Variants in BRSK2 observed in about 807,000 individuals in gnomAD.
BRSK2 encodes the protein BR serine/threonine kinase 2.
Under a neutral mutation model 83.3 loss-of-function variants are expected in BRSK2, and 19 were observed. The observed-to-expected ratio is 0.23, with a 90% CI of 0.16 to 0.33. The LOEUF is 0.33. Ranked by LOEUF, BRSK2 falls within the 10% of genes least tolerant of loss-of-function variation. The pLI is 1.00. For missense variants in BRSK2, 798 were observed against 1,042.3 expected (o/e 0.77, Z 3.23); for synonymous variants, 519 against 435.4 (o/e 1.19, Z -2.39).
chr11:1,401,324 C>T (rs531584138), intron 1 of BRSK2, among the ~76,000 whole-genome samples: 8 of 152,356 alleles, frequency 5.3e-5, no homozygotes, highest in Admixed American at 2.6e-4. Context: ...GTCTGTGAGT[C>T]GGGGCTCACG....
At chr11:1,409,305 C>T (rs964759543) in intron 1 of BRSK2, 2 of 152,264 alleles carry the variant, frequency 1.3e-5, no homozygotes, top group African/African-American at 4.8e-5. Context: ...TGTGCTCAGT[C>T]GTGCTGCTTG....
chr11:1,413,094 G>C (rs1847721691), intron 1 of BRSK2, among the ~76,000 whole-genome samples: 1 of 152,100 alleles, frequency 6.6e-6, no homozygotes, highest in Admixed American at 6.5e-5. Flanking sequence ...GCTGGGCAGG[G>C]ACTGGGGTGG....
At chr11:1,401,175 G>A (rs975939822) in intron 1 of BRSK2, among the ~76,000 whole-genome samples, 4 of 152,220 alleles carry the variant, frequency 2.6e-5, no homozygotes, top group African/African-American at 9.6e-5. Context: ...CAGGCCTCTA[G>A]GCTCCCGTCT....
At chr11:1,446,069 T>TAAGC (rs1564858939) in intron 12 of BRSK2, among the ~76,000 whole-genome samples, 162 bp downstream of exon 12, 1 of 141,420 alleles carries the variant, frequency 7.1e-6, no homozygotes, top group African/African-American at 2.7e-5. Context: ...TGGGCTGGGC[T>TAAGC]TGGCTGGGCT....
rs536213499 is a variant in BRSK2 at position 1,454,440 on chromosome 11, G to C, written c.1545-45G>C. ...ATTCGAGGGAGGCAGGGGTGTGGAC[G>C]GTGCCACACCTCAATCCTCACAGCC... is the stretch of plus-strand genomic sequence containing the variant. On this transcript the variant is annotated intron_variant, in intron 15 of 19. Transcript: ENST00000528841. This position sits in a 1 kb window ranked among gnomAD's most constrained non-coding sequence, Gnocchi z 5.2. 1.9e-6 allele frequency: 3 copies of C among 1,607,426 alleles called. No homozygotes were observed. Among genetic ancestry groups the C allele is most frequent in the South Asian group, 2.2e-5 (2 of 90,726 alleles).
intron 1 of BRSK2, among the ~76,000 whole-genome samples, chr11:1,433,265 C>A (rs1849830508): frequency 6.6e-6 from 1 of 152,250 alleles, no homozygotes; most frequent in African/African-American, 2.4e-5. Context: ...CGCCACCTAC[C>A]CTGGGAATGC....
Position 1,440,848 on chromosome 11 carries a change from G to A in BRSK2, c.333G>A (p.Gly111=). The change falls in exon 4 of 20, where the codon GGG becomes GGA. Residue 111 remains glycine (G), a synonymous_variant. Coordinates refer to ENST00000528841, the MANE Select transcript of BRSK2 (RefSeq NM_001256627.2). ...TCTTCGACTACCTGGTGAAGAAGGGGAGGCTGACGCCTAAGGAGGCTCGGA... is the reference window on the plus strand; with the variant it reads ...TCTTCGACTACCTGGTGAAGAAGGGAAGGCTGACGCCTAAGGAGGCTCGGA... ...GELFDYLVKK[G]RLTPKEARKF... is the part of the protein sequence containing the mutation. The A allele has an allele frequency of 6.2e-7, 1 of 1,604,682 alleles. No individual in the cohort carries two copies. Among genetic ancestry groups the A allele is most frequent in the Non-Finnish European group, 8.5e-7 (1 of 1,175,638 alleles).
intron 1 of BRSK2, among the ~76,000 whole-genome samples, chr11:1,425,857 G>A (rs775009763): frequency 2.0e-5 from 3 of 152,188 alleles, no homozygotes; most frequent in Admixed American, 1.3e-4. Context: ...AAGAGGTGTG[G>A]GGCAGGGGAG....
chr11:1,457,141 A>G, intron 18 of BRSK2: 2 of 1,179,590 alleles, frequency 1.7e-6, no homozygotes, highest in African/African-American at 3.1e-5. Flanking sequence ...CTCCATGCCC[A>G]CCCACAGGTC....
intron 1 of BRSK2, among the ~76,000 whole-genome samples, chr11:1,419,912 C>A (rs943808748): frequency 9.2e-5 from 14 of 152,082 alleles, no homozygotes; most frequent in African/African-American, 3.4e-4. Flanking sequence ...GATTCCATCT[C>A]GAAAAAAACA....
chr11:1,423,780 G>A lies in BRSK2; in HGVS notation c.92-12260G>A, dbSNP rs866306974. Among the ~76,000 whole-genome samples, 2,246 of 134,460 alleles carry A rather than the reference G, an allele frequency of 0.017. 39 individuals carry two copies. Among genetic ancestry groups the A allele is most frequent in the African/African-American group, 0.044 (1,673 of 37,730 alleles). The allele number at this position is 134,460 out of a possible 152,430, so 88.2% of individuals were successfully genotyped here. On this transcript the variant is annotated intron_variant, in intron 1 of 19. Transcript: ENST00000528841. The surrounding 1 kb of genome is among the most constrained non-coding windows in gnomAD (Gnocchi z 6.5). Reference sequence around the variant, plus strand: ...GTGCCCCAGGCCTCCCCCGCTGGGCGTTCCGGGTGCCCCAGGCCTCCCCCG... The same window carrying A: ...GTGCCCCAGGCCTCCCCCGCTGGGCATTCCGGGTGCCCCAGGCCTCCCCCG...
chr11:1,401,675 G>A (rs1483988234), intron 1 of BRSK2, among the ~76,000 whole-genome samples: 1 of 152,236 alleles, frequency 6.6e-6, no homozygotes, highest in South Asian at 2.1e-4. Flanking sequence ...GCTCTGCTGC[G>A]TCGTGCCAGA....
chr11:1,450,179 G>A (rs1335978524), intron 13 of BRSK2, among the ~76,000 whole-genome samples: 2 of 151,388 alleles, frequency 1.3e-5, no homozygotes, highest in Non-Finnish European at 2.9e-5. Context: ...CATGTGCCGC[G>A]CGGCTGCCCC....
At chr11:1,404,271 T>G (rs957789214) in intron 1 of BRSK2, among the ~76,000 whole-genome samples, 6 of 152,156 alleles carry the variant, frequency 3.9e-5, no homozygotes, top group Non-Finnish European at 8.8e-5. Flanking sequence ...CTCCTCTGTG[T>G]TCCCCTCCTG....
Position 1,460,497 on chromosome 11 carries a change from C to T in BRSK2, c.1988-3C>T, listed in dbSNP as rs1371669549. 5 of 1,405,544 alleles carry T rather than the reference C, an allele frequency of 3.6e-6. No individual in the cohort carries two copies. The African/African-American group carries it at 6.3e-5, about 18-fold the overall frequency. The allele number at this position is 1,405,544 out of a possible 1,614,324, so 87.1% of individuals were successfully genotyped here. On this transcript the variant is annotated splice_polypyrimidine_tract_variant and splice_region_variant and intron_variant, in intron 19 of 19. Transcript: ENST00000528841. ...TTTTTTTGTCTCTGTTCTGTGTACCCAGGCAGCCCATTGAGTAACTTCTTT... is the reference window on the plus strand; with the variant it reads ...TTTTTTTGTCTCTGTTCTGTGTACCTAGGCAGCCCATTGAGTAACTTCTTT...
intron 1 of BRSK2, chr11:1,410,439 C>T (rs1255230096): frequency 1.5e-5 from 15 of 985,100 alleles, no homozygotes; most frequent in African/African-American, 1.4e-4. Flanking sequence ...TTGCAGAGTC[C>T]GTGTTTGGGG....
intron 1 of BRSK2, among the ~76,000 whole-genome samples, chr11:1,428,680 C>G (rs1590465879): frequency 6.6e-6 from 1 of 152,248 alleles, no homozygotes; most frequent in African/African-American, 2.4e-5. Flanking sequence ...CTCTCCACAC[C>G]TTTTGGCTCC....
intron 12 of BRSK2, 28 bp downstream of exon 12, chr11:1,445,935 TC>T (rs1314105932): frequency 6.3e-6 from 10 of 1,585,174 alleles, no homozygotes; most frequent in African/African-American, 1.3e-5. Context: ...CTGCTGGGCC[TC>T]CCTCCCTGGG....
chr11:1,394,656 T>C (rs1272472270), intron 1 of BRSK2, among the ~76,000 whole-genome samples: 1 of 67,078 alleles, frequency 1.5e-5, no homozygotes, highest in Non-Finnish European at 2.9e-5. Flanking sequence ...TGGAGATGGG[T>C]CCTGGAGATG....
Sources: gnomAD v4.1 joint callset for allele counts (sites outside exome capture counted in the v4.1 genomes callset) on GRCh38, gnomAD v4.1.1 for gene constraint, Gnocchi (gnomAD v3.1) non-coding constraint, MANE v1.5 for transcripts, NCBI Gene and HGNC (gene_info 2026-07-23, HGNC 2026-07-21) for gene names.